TMTC2: variants seen among roughly 807,000 people sequenced by gnomAD.
TMTC2 encodes protein O-mannosyl-transferase TMTC2.
Under a neutral mutation model 82.4 loss-of-function variants are expected in TMTC2, and 43 were observed. The observed-to-expected ratio is 0.52, with a 90% CI of 0.41 to 0.67. The LOEUF (loss-of-function observed/expected upper bound fraction) is 0.67, where lower values mean the gene tolerates loss of function less well. Ranked by LOEUF, TMTC2 falls within the 30% of genes least tolerant of loss-of-function variation. The pLI is 0.00. For missense variants in TMTC2, 919 were observed against 1,012.4 expected (o/e 0.91, Z 1.25); for synonymous variants, 408 against 381.9 (o/e 1.07, Z -0.80).
chr12:82,770,731 CCTT>C (rs1041497761), intron 1 of TMTC2, among the ~76,000 whole-genome samples: 1 of 152,104 alleles, frequency 6.6e-6, no homozygotes, highest in Non-Finnish European at 1.5e-5. Context: ...AAGTAGTCCT[CCTT>C]CTTCAGCCTC....
intron 8 of TMTC2, among the ~76,000 whole-genome samples, chr12:83,024,185 T>G (rs1039443978): frequency 3.3e-5 from 5 of 152,206 alleles, no homozygotes; most frequent in African/African-American, 1.2e-4. Flanking sequence ...TTGGTCATTA[T>G]ATGGAATATC....
chr12:82,866,166 C>A (rs1871841758), intron 2 of TMTC2, among the ~76,000 whole-genome samples: 1 of 131,338 alleles, frequency 7.6e-6, no homozygotes, highest in Admixed American at 9.2e-5. Flanking sequence ...AAGATCAGAG[C>A]AGAACTGAAG....
chr12:82,907,682 C>T (rs1333112181), intron 3 of TMTC2, among the ~76,000 whole-genome samples: 1 of 152,036 alleles, frequency 6.6e-6, no homozygotes, highest in African/African-American at 2.4e-5. Flanking sequence ...TCTTTATGGG[C>T]TTTTGAAACC....
At chr12:82,729,434 A>G (rs1201553869) in intron 1 of TMTC2, among the ~76,000 whole-genome samples, 3 of 151,932 alleles carry the variant, frequency 2.0e-5, no homozygotes, top group Non-Finnish European at 2.9e-5. Flanking sequence ...AGGTTTGTAA[A>G]TACACCAGTC....
chr12:82,962,154 A>G (rs556353079), intron 4 of TMTC2, among the ~76,000 whole-genome samples: 4 of 152,050 alleles, frequency 2.6e-5, no homozygotes, highest in Non-Finnish European at 5.9e-5. Flanking sequence ...TCTTCTTTGT[A>G]TATTTTATGA....
chr12:82,937,783 TATATATATATATACAC>T lies in TMTC2; in HGVS notation c.1598+7240_1598+7255del, dbSNP rs1283380874. ...ATATATATATATATATATATATATA[TATATATATATATACAC>T]ACATATATATATAAAATGATGCCAA... On this transcript the variant is annotated intron_variant, in intron 4 of 11. Coordinates refer to ENST00000321196, the MANE Select transcript of TMTC2 (RefSeq NM_152588.3). 6.1e-3 allele frequency among the ~76,000 whole-genome samples: 129 copies of T among 21,284 alleles called. 4 individuals carry two copies. The highest frequency in any genetic ancestry group is 0.056 in the Middle Eastern group (2 of 36). 14.0% of individuals were successfully genotyped at this position (21,284 alleles called of 152,430 possible).
At chr12:83,031,925 T>A (rs1411985938) in intron 9 of TMTC2, among the ~76,000 whole-genome samples, 1 of 152,214 alleles carries the variant, frequency 6.6e-6, no homozygotes, top group African/African-American at 2.4e-5. Flanking sequence ...GTACAACTCC[T>A]GATTTTGTTT....
intron 4 of TMTC2, among the ~76,000 whole-genome samples, chr12:82,956,559 C>T (rs1416702064): frequency 2.6e-5 from 4 of 152,078 alleles, no homozygotes; most frequent in Admixed American, 6.6e-5. Context: ...AAGTGATTCT[C>T]CTGCCTCAGC....
intron 11 of TMTC2, among the ~76,000 whole-genome samples, chr12:83,074,872 C>A (rs987897622): frequency 1.4e-4 from 21 of 152,152 alleles, no homozygotes; most frequent in Non-Finnish European, 1.5e-5. Flanking sequence ...CCTAAGCTCC[C>A]CGCTAAGTTC....
At chr12:82,946,285 T>C (rs962481800) in intron 4 of TMTC2, among the ~76,000 whole-genome samples, 1 of 152,214 alleles carries the variant, frequency 6.6e-6, no homozygotes, top group Non-Finnish European at 1.5e-5. Context: ...ATTCTTAGTG[T>C]CTGCAATAGT....
chr12:82,786,893 A>G (rs982897832), intron 1 of TMTC2, among the ~76,000 whole-genome samples: 3 of 152,188 alleles, frequency 2.0e-5, no homozygotes, highest in African/African-American at 4.8e-5. Flanking sequence ...TGATTTATGT[A>G]TATGGCATTT....
At chr12:82,719,394 G>T (rs568013080) in intron 1 of TMTC2, among the ~76,000 whole-genome samples, 1 of 152,040 alleles carries the variant, frequency 6.6e-6, no homozygotes, top group South Asian at 2.1e-4. Context: ...GCCCAGCCTG[G>T]ATGATTATAT....
intron 7 of TMTC2, among the ~76,000 whole-genome samples, chr12:82,984,948 T>C (rs536997097): frequency 6.6e-6 from 1 of 152,262 alleles, no homozygotes; most frequent in African/African-American, 2.4e-5. Context: ...TCATGTTGTA[T>C]GTAGTGCTGG....
At chr12:82,904,982 C>CT (rs370846723) in intron 3 of TMTC2, among the ~76,000 whole-genome samples, 22,595 of 133,778 alleles carry the variant, frequency 0.17, 1,865 homozygotes, top group African/African-American at 0.2. Flanking sequence ...TTTTTTGTTT[C>CT]TTTTTTTTTT....
intron 11 of TMTC2, among the ~76,000 whole-genome samples, chr12:83,067,448 G>A (rs972573034): frequency 6.6e-6 from 1 of 151,970 alleles, no homozygotes; most frequent in Non-Finnish European, 1.5e-5. Flanking sequence ...AGGTGAGTGG[G>A]GGGTGCAAAG....
chr12:82,688,476 G>A (rs1308342677), intron 1 of TMTC2, among the ~76,000 whole-genome samples: 5 of 152,178 alleles, frequency 3.3e-5, no homozygotes, highest in Non-Finnish European at 1.5e-5. Flanking sequence ...AAATGTCACC[G>A]TTGTGTTGGT....
chr12:83,075,608 A>G (rs1198262078), intron 11 of TMTC2, among the ~76,000 whole-genome samples: 1 of 152,202 alleles, frequency 6.6e-6, no homozygotes, highest in Non-Finnish European at 1.5e-5. Flanking sequence ...CTCCTCAAAT[A>G]CATATTCTAC....
intron 8 of TMTC2, among the ~76,000 whole-genome samples, chr12:83,009,719 A>G (rs1377425853): frequency 6.6e-6 from 1 of 151,896 alleles, no homozygotes; most frequent in Admixed American, 6.6e-5. Context: ...TATAGTACTT[A>G]CTCTAGGTTG....
chr12:82,845,467 C>A (rs948099024), intron 1 of TMTC2, among the ~76,000 whole-genome samples: 2 of 151,370 alleles, frequency 1.3e-5, no homozygotes, highest in Admixed American at 6.6e-5. Context: ...ATGTATAGTA[C>A]CTGATTTAAC....
Sources: allele counts gnomAD v4.1 joint callset (sites outside exome capture counted in the v4.1 genomes callset), GRCh38; gene constraint gnomAD v4.1.1; transcripts MANE v1.5; gene names NCBI Gene and HGNC (gene_info 2026-07-23, HGNC 2026-07-21).